The following EPCAM variants were observed in gnomAD, a reference collection of about 807,000 sequenced individuals.
The protein encoded by EPCAM is epithelial cell adhesion molecule.
EPCAM carries 39 observed loss-of-function variants against 40.0 expected under a neutral mutation model. The ratio of observed to expected loss-of-function variants is 0.98; its 90% confidence interval spans 0.76 to 1.27. The LOEUF is 1.27. Ranked by LOEUF, EPCAM falls within the 50% of genes most tolerant of loss-of-function variation. The pLI, the probability that EPCAM is intolerant of heterozygous loss-of-function variation, is 0.00. For synonymous variants in EPCAM, 168 were observed against 132.3 expected (o/e 1.27, Z -1.85); for missense variants, 503 against 381.2 (o/e 1.32, Z -2.66).
Position 47,386,989 on chromosome 2 carries a change from A to G in EPCAM, c.*376A>G, listed in dbSNP as rs940409340. ...GAGTCTTGTACATACATACTTTTTT[A>G]TGAGCTATGAAATAAAACATTTTAA... On this transcript the variant is annotated 3_prime_UTR_variant, in exon 9 of 9. Coordinates refer to ENST00000263735, the MANE Select transcript of EPCAM (RefSeq NM_002354.3). 8.5e-6 allele frequency: 2 copies of G among 234,754 alleles called. No individual in the cohort carries two copies. The highest frequency in any genetic ancestry group is 1.1e-4 in the Admixed American group (2 of 17,870). The allele number at this position is 234,754 out of a possible 1,614,324, so 14.5% of individuals were successfully genotyped here.
At chr2:47,374,736 C>T (rs1352981145) in intron 3 of EPCAM, among the ~76,000 whole-genome samples, 7 of 152,006 alleles carry the variant, frequency 4.6e-5, no homozygotes, top group South Asian at 2.1e-4. Flanking sequence ...CTCTGCCTCC[C>T]GGGTTCAAGC....
At chr2:47,370,727 A>G (rs997624240) in intron 1 of EPCAM, among the ~76,000 whole-genome samples, 1 of 137,674 alleles carries the variant, frequency 7.3e-6, no homozygotes, top group Non-Finnish European at 1.5e-5. Context: ...TTTATTATTT[A>G]TTATTATTAT....
chr2:47,386,601 A>G lies in EPCAM; in HGVS notation c.933A>G (p.Glu311=), dbSNP rs1671748701. 1.2e-6 allele frequency: 2 copies of G among 1,604,658 alleles called. No homozygotes were observed. Among genetic ancestry groups the G allele is most frequent in the South Asian group, 2.2e-5 (2 of 90,512 alleles). Residue 311 remains glutamate (E), a synonymous_variant, in exon 9 of 9, where the codon GAA becomes GAG. Coordinates refer to ENST00000263735, the MANE Select transcript of EPCAM (RefSeq NM_002354.3). ...EIKEMGEMHR[E]LNA ...AGGAGATGGGTGAGATGCATAGGGA[A>G]CTCAATGCATAACTATATAATTTGA...
chr2:47,381,392 C>CAAAAAAAA (rs370875469), intron 7 of EPCAM, among the ~76,000 whole-genome samples: 3 of 74,356 alleles, frequency 4.0e-5, no homozygotes, highest in Non-Finnish European at 5.6e-5. Flanking sequence ...AACTCCGTCT[C>CAAAAAAAA]AAAAAAAAAA....
intron 5 of EPCAM, chr2:47,377,718 T>C (rs1290343681): frequency 2.9e-5 from 12 of 416,732 alleles, no homozygotes; most frequent in South Asian, 2.0e-4. Context: ...AAATTACTTT[T>C]GGTAAATACA....
At chr2:47,375,950 C>A (rs1024969020) in intron 4 of EPCAM, among the ~76,000 whole-genome samples, 1 of 152,040 alleles carries the variant, frequency 6.6e-6, no homozygotes, top group East Asian at 1.9e-4. Flanking sequence ...GTGATCCTCC[C>A]GCCTCTGCCT....
At chr2:47,380,851 G>A (rs1051729147) in intron 7 of EPCAM, among the ~76,000 whole-genome samples, 1 of 152,108 alleles carries the variant, frequency 6.6e-6, no homozygotes, top group Non-Finnish European at 1.5e-5. Flanking sequence ...CACTTTGGAA[G>A]GCTGAGGCGG....
intron 7 of EPCAM, among the ~76,000 whole-genome samples, chr2:47,383,789 C>T (rs577143578): frequency 2.0e-5 from 3 of 151,120 alleles, no homozygotes; most frequent in African/African-American, 7.3e-5. Flanking sequence ...CGTGCACCAC[C>T]ATACCTGGCT....
intron 1 of EPCAM, among the ~76,000 whole-genome samples, chr2:47,371,193 A>G (rs1057370692): frequency 8.6e-5 from 13 of 151,892 alleles, no homozygotes; most frequent in African/African-American, 3.1e-4. Context: ...CCGTTATTCA[A>G]ATGTTAGACA....
chr2:47,369,618 C>T (rs764645465), intron 1 of EPCAM, 37 bp downstream of exon 1: 1 of 1,561,626 alleles, frequency 6.4e-7, no homozygotes, highest in Non-Finnish European at 8.7e-7. Context: ...TGGAGCTGGG[C>T]TGGGCTGGGG....
intron 4 of EPCAM, among the ~76,000 whole-genome samples, chr2:47,375,833 G>C (rs1671408742): frequency 1.3e-5 from 2 of 151,758 alleles, no homozygotes; most frequent in African/African-American, 4.8e-5. Context: ...AGCCTTCCAA[G>C]TAGCTGGGAC....
At chr2:47,371,255 G>GTC (rs909319721) in intron 1 of EPCAM, among the ~76,000 whole-genome samples, 3 of 151,944 alleles carry the variant, frequency 2.0e-5, no homozygotes, top group Admixed American at 6.6e-5. Context: ...CTTGGCTGCC[G>GTC]TCTCTCTCTC....
chr2:47,370,500 C>G (rs1671230836), intron 1 of EPCAM, among the ~76,000 whole-genome samples: 1 of 151,924 alleles, frequency 6.6e-6, no homozygotes, highest in African/African-American at 2.4e-5. Flanking sequence ...TGGTCTCTAA[C>G]TCCTGAGCTC....
chr2:47,373,555 G>A lies in EPCAM; in HGVS notation c.169G>A (p.Val57Ile), dbSNP rs1229107175. The part of the protein sequence containing the change: ...QCTSVGAQNT[V>I]ICSKLAAKCL... ...TACTTCAGTTGGTGCACAAAATACT[G>A]TCATTTGCTCAAAGCGTGAGTAAAA... The change falls in exon 2 of 9, where the codon GTC (valine) becomes ATC (isoleucine). Residue 57 changes from valine to isoleucine, a missense_variant. Physicochemically the swap from Val to Ile is conservative, Grantham distance 29. Transcript: ENST00000263735. 4 of 1,611,382 alleles carry A rather than the reference G, an allele frequency of 2.5e-6. No individual in the cohort carries two copies. The Admixed American group carries it at 5.0e-5, about 20-fold the overall frequency.
chr2:47,386,534 T>A, intron 8 of EPCAM, 38 bp from the exon 9 acceptor site: 1 of 1,531,160 alleles, frequency 6.5e-7, no homozygotes. Flanking sequence ...GATTGAAAAA[T>A]TATTTAGAAT....
intron 1 of EPCAM, among the ~76,000 whole-genome samples, chr2:47,372,599 C>T (rs557858507): frequency 6.6e-6 from 1 of 152,168 alleles, no homozygotes; most frequent in Non-Finnish European, 1.5e-5. Flanking sequence ...TGCTGAAACC[C>T]CGTCTCTACT....
rs780761609 is a variant in EPCAM at position 47,373,611 on chromosome 2, C to G, written c.184+41C>G. 7.4e-6 allele frequency: 11 copies of G among 1,494,074 alleles called. No homozygotes were observed. In the Admixed American group the frequency reaches 1.9e-4, roughly 25 times the overall value. The allele number at this position is 1,494,074 out of a possible 1,614,324, so 92.6% of individuals were successfully genotyped here. A position where few individuals can be genotyped will look rare whatever the true frequency, so the allele number is the denominator to read the frequency against. On this transcript the variant is annotated intron_variant, in intron 2 of 8. Transcript: ENST00000263735. Reference sequence around the variant, plus strand: ...TAATTACCTGTAAGCTTTATTTTGACTTAATACTTCTTTAATTGATGTGCC... The same window carrying G: ...TAATTACCTGTAAGCTTTATTTTGAGTTAATACTTCTTTAATTGATGTGCC...
Position 47,369,342 on chromosome 2 carries a change from C to G in EPCAM, c.-164C>G. ...CGCTAGTCCTTCGGCGAGCGAGCAC[C>G]TTCGACGCGGTCCGGGGACCCCCTC... is the stretch of plus-strand genomic sequence containing the variant. On this transcript the variant is annotated 5_prime_UTR_variant, in exon 1 of 9. Coordinates refer to ENST00000263735, the MANE Select transcript of EPCAM (RefSeq NM_002354.3). The G allele has an allele frequency of 7.8e-7, 1 of 1,274,016 alleles. No homozygotes were observed. Among genetic ancestry groups the G allele is most frequent in the Non-Finnish European group, 1.0e-6 (1 of 974,828 alleles). 78.9% of individuals were successfully genotyped at this position (1,274,016 alleles called of 1,614,324 possible).
At chr2:47,386,330 C>T (rs1452369238) in intron 8 of EPCAM, among the ~76,000 whole-genome samples, 2 of 152,164 alleles carry the variant, frequency 1.3e-5, no homozygotes, top group Non-Finnish European at 2.9e-5. Flanking sequence ...AATGATCTAG[C>T]TTACCTCCAA....
Sources: gnomAD v4.1 joint callset for allele counts (sites outside exome capture counted in the v4.1 genomes callset) on GRCh38, gnomAD v4.1.1 for gene constraint, MANE v1.5 for transcripts, NCBI Gene and HGNC (gene_info 2026-07-23, HGNC 2026-07-21) for gene names.